Variants in TEX2 observed in about 807,000 individuals in gnomAD.
TEX2 encodes the protein testis-expressed protein 2.
TEX2 carries 53 observed loss-of-function variants against 106.9 expected under a neutral mutation model. The ratio of observed to expected loss-of-function variants is 0.50; its 90% CI spans 0.40 to 0.62. The LOEUF (loss-of-function observed/expected upper bound fraction) is 0.62, where lower values mean the gene tolerates loss of function less well. TEX2 is among the 20% of genes least tolerant of loss of function. TEX2 has a pLI of 0.00. For synonymous variants in TEX2, 523 were observed against 534.8 expected, an observed-to-expected ratio of 0.98 and a Z score of 0.30; for missense variants, 1,207 against 1,379.0, an observed-to-expected ratio of 0.88 and a Z score of 1.98.
chr17:64,255,033 T>TTTTTTTTTTTTTTTTTTTTTTTTTG lies in TEX2; in HGVS notation c.-26+8134_-26+8135insCAAAAAAAAAAAAAAAAAAAAAAAA, dbSNP rs2034159261. Reference sequence around the variant, plus strand: ...GTGTGTGTCACTGCATCTGGCTTTTTTTTTTTTTTTTTTGTAGAGGCAGGG... The same window carrying TTTTTTTTTTTTTTTTTTTTTTTTTG: ...GTGTGTGTCACTGCATCTGGCTTTTTTTTTTTTTTTTTTTTTTTTTTTTTGTTTTTTTTTTTTTGTAGAGGCAGGG... On this transcript the variant is annotated intron_variant, in intron 1 of 11. Transcript: ENST00000584379. Among the ~76,000 whole-genome samples, 2 of 150,550 alleles carry TTTTTTTTTTTTTTTTTTTTTTTTTG rather than the reference T, an allele frequency of 1.3e-5. 1 individual carries two copies. Among genetic ancestry groups the TTTTTTTTTTTTTTTTTTTTTTTTTG allele is most frequent in the African/African-American group, 4.9e-5 (2 of 40,878 alleles).
intron 1 of TEX2, among the ~76,000 whole-genome samples, chr17:64,232,101 C>T (rs1309184448): frequency 1.3e-5 from 2 of 152,166 alleles, no homozygotes; most frequent in Non-Finnish European, 2.9e-5. Context: ...AAAATATGTA[C>T]TGTACATATA....
chr17:64,224,634 C>T (rs1342438660), intron 1 of TEX2, among the ~76,000 whole-genome samples: 7 of 152,104 alleles, frequency 4.6e-5, no homozygotes, highest in African/African-American at 1.7e-4. Context: ...TCTCTTCCGA[C>T]CCAGCAGGGT....
intron 7 of TEX2, among the ~76,000 whole-genome samples, chr17:64,170,718 C>T (rs375298713): frequency 2.9e-5 from 4 of 138,438 alleles, no homozygotes; most frequent in Admixed American, 8.4e-5. Context: ...CTGCAACCTC[C>T]GTCTCCTGGG....
rs782463576 is a variant in TEX2 at position 64,214,229 on chromosome 17, C to A, written c.-12G>T. On this transcript the variant is annotated 5_prime_UTR_variant, in exon 2 of 12. Coordinates refer to ENST00000584379, the MANE Select transcript of TEX2 (RefSeq NM_001288732.2). ...TACAGACTTGTCATTGCCGGCTTCA[C>A]AAGGGCTCAGGCTCTGTGAAAACAG... 1.4e-5 allele frequency: 23 copies of A among 1,607,322 alleles called. No individual in the cohort carries two copies. The East Asian group carries it at 4.0e-4, about 28-fold the overall frequency.
At chr17:64,187,022 T>C (rs1162233294) in intron 5 of TEX2, among the ~76,000 whole-genome samples, 3 of 152,188 alleles carry the variant, frequency 2.0e-5, no homozygotes, top group Non-Finnish European at 4.4e-5. Context: ...ACTCCATCAC[T>C]TAGCAACTGT....
At chr17:64,256,019 G>A (rs1697144945) in intron 1 of TEX2, 1 of 152,312 alleles carries the variant, frequency 6.6e-6, no homozygotes, top group African/African-American at 2.4e-5. Flanking sequence ...GATGCCTACA[G>A]GTAGGGCCAA....
At chr17:64,244,164 C>T (rs1157630249) in intron 1 of TEX2, among the ~76,000 whole-genome samples, 1 of 152,124 alleles carries the variant, frequency 6.6e-6, no homozygotes, top group East Asian at 1.9e-4. Flanking sequence ...TTTTGGGAAA[C>T]CAAAGTTTTT....
Position 64,214,180 on chromosome 17 carries a change from G to A in TEX2, c.38C>T (p.Thr13Ile), listed in dbSNP as rs1555632281. 1.9e-6 allele frequency: 3 copies of A among 1,614,100 alleles called. No homozygotes were observed. Among genetic ancestry groups the A allele is most frequent in the Non-Finnish European group, 2.5e-6 (3 of 1,179,934 alleles). ...AGGGGCTGATGGTTTTGGCATGTCA[G>A]TGGTTTTCTCGGCATGGCGACCATA... ...SLYGRHAEKT[T>I]DMPKPSAPKV... Residue 13 changes from threonine (T) to isoleucine (I), a missense_variant, in exon 2 of 12, where the codon ACT becomes ATT. By Grantham distance (89) the Thr-to-Ile change is moderately conservative. This residue lies in a region of TEX2 where 1,067 missense variants were observed against 1,193.6 expected (regional missense o/e 0.89). Transcript: ENST00000584379.
intron 11 of TEX2, chr17:64,150,567 C>G (rs1356299143): frequency 4.6e-6 from 1 of 216,180 alleles, no homozygotes; most frequent in Non-Finnish European, 9.1e-6. Context: ...TCCTGGCAGG[C>G]TTGCTGGGAA....
intron 7 of TEX2, among the ~76,000 whole-genome samples, chr17:64,166,701 G>T (rs1023883208): frequency 2.6e-5 from 4 of 152,236 alleles, no homozygotes; most frequent in Non-Finnish European, 4.4e-5. Flanking sequence ...TGAATGGTGG[G>T]ATGATGGGTA....
intron 1 of TEX2, among the ~76,000 whole-genome samples, chr17:64,259,482 C>G (rs2034249788): frequency 6.6e-6 from 1 of 152,188 alleles, no homozygotes; most frequent in Admixed American, 6.5e-5. Flanking sequence ...TTAAAGTTGA[C>G]AAAGACCTTA....
At chr17:64,164,596 CTG>C (rs1348040801) in intron 7 of TEX2, among the ~76,000 whole-genome samples, 1 of 152,204 alleles carries the variant, frequency 6.6e-6, no homozygotes, top group Non-Finnish European at 1.5e-5. Context: ...CACAGAGACA[CTG>C]TGGCAAAAAT....
intron 1 of TEX2, among the ~76,000 whole-genome samples, chr17:64,252,675 C>T (rs1555637140): frequency 1.3e-5 from 2 of 152,014 alleles, no homozygotes; most frequent in Admixed American, 1.3e-4. Flanking sequence ...TCTAATGTGG[C>T]TTGCATTCTT....
chr17:64,231,496 C>T (rs1448651704), intron 1 of TEX2, among the ~76,000 whole-genome samples: 1 of 152,214 alleles, frequency 6.6e-6, no homozygotes, highest in Non-Finnish European at 1.5e-5. Flanking sequence ...GGAAAACTAA[C>T]ACAGCCTCAT....
In TEX2 at chr17:64,169,433, C is replaced by A. The variant is rs113881928; in HGVS notation, c.2671+1667G>T. Among the ~76,000 whole-genome samples the A allele has an allele frequency of 8.3e-4, 127 of 152,292 alleles. 1 individual carries two copies. The highest frequency in any genetic ancestry group is 3.0e-3 in the African/African-American group (126 of 41,560). ...GTTTTCTACTTTTACTTTCAGTGAA[C>A]CAGAAATTCCCAAACCTAGACACAC... On this transcript the variant is annotated intron_variant, in intron 7 of 11. Coordinates refer to ENST00000584379, the MANE Select transcript of TEX2 (RefSeq NM_001288732.2).
At chr17:64,222,938 T>TC (rs1465994163) in intron 1 of TEX2, among the ~76,000 whole-genome samples, 1 of 152,152 alleles carries the variant, frequency 6.6e-6, no homozygotes, top group Non-Finnish European at 1.5e-5. Flanking sequence ...TGCTGATGGG[T>TC]CCTTCCTAAG....
chr17:64,212,888 G>C lies in TEX2; in HGVS notation c.1330C>G (p.Leu444Val), dbSNP rs144995761. Residue 444 changes from leucine (L) to valine (V), a missense_variant, in exon 2 of 12, where the codon CTC becomes GTC. Physicochemically the swap from Leu to Val is conservative, Grantham distance 32. This residue lies in a region of TEX2 where 1,067 missense variants were observed against 1,193.6 expected (regional missense o/e 0.89). Transcript: ENST00000584379. ...TCTTCCGCGAGCACCTCTGGCTTGAGAGGAATATCTGAGAGCTTATCAACT... is the reference window on the plus strand; with the variant it reads ...TCTTCCGCGAGCACCTCTGGCTTGACAGGAATATCTGAGAGCTTATCAACT... ...SKVDKLSDIP[L>V]KPEVLAEDGV... 7.4e-6 allele frequency: 12 copies of C among 1,614,064 alleles called. No individual in the cohort carries two copies. The African/African-American group carries it at 1.5e-4, about 20-fold the overall frequency.
At chr17:64,242,961 C>T (rs564694670) in intron 1 of TEX2, among the ~76,000 whole-genome samples, 20 of 150,754 alleles carry the variant, frequency 1.3e-4, no homozygotes, top group Non-Finnish European at 2.5e-4. Context: ...TGGAGTCTTG[C>T]TCTGTCACCC....
At chr17:64,237,801 G>A (rs1434889037) in intron 1 of TEX2, among the ~76,000 whole-genome samples, 1 of 152,156 alleles carries the variant, frequency 6.6e-6, no homozygotes, top group African/African-American at 2.4e-5. Context: ...GAGATACTTG[G>A]TGACCTCCCA....
Sources: gnomAD v4.1 joint callset for allele counts (sites outside exome capture counted in the v4.1 genomes callset) on GRCh38, gnomAD v4.1.1 for gene constraint, gnomAD v4.1.1 regional missense constraint, MANE v1.5 for transcripts, NCBI Gene and HGNC (gene_info 2026-07-23, HGNC 2026-07-21) for gene names.